Variants in RHOT1 observed in about 807,000 individuals in gnomAD.
RHOT1 encodes ras homolog family member T1.
In RHOT1, 27 loss-of-function variants were observed where a neutral mutation model predicts 95.3. That is an observed-to-expected ratio of 0.28 (90% confidence interval 0.21 to 0.39). RHOT1 has a LOEUF of 0.39. Ranked by LOEUF, RHOT1 falls within the 10% of genes least tolerant of loss-of-function variation. The probability of loss-of-function intolerance (pLI) is 1.00; values close to 1 mark genes in which losing one functional copy is unlikely to be tolerated. For missense variants in RHOT1, 578 were observed against 786.7 expected, an observed-to-expected ratio of 0.73 and a Z score of 3.17; for synonymous variants, 227 against 263.5, an observed-to-expected ratio of 0.86 and a Z score of 1.34.
intron 19 of RHOT1, among the ~76,000 whole-genome samples, chr17:32,224,056 A>T (rs2038994614): frequency 6.6e-6 from 1 of 152,352 alleles, no homozygotes; most frequent in East Asian, 1.9e-4. Context: ...AATTAATGCA[A>T]ACTGATAAAT....
intron 1 of RHOT1, among the ~76,000 whole-genome samples, chr17:32,148,585 C>T (rs750738241): frequency 1.3e-5 from 2 of 152,116 alleles, no homozygotes; most frequent in African/African-American, 2.4e-5. Flanking sequence ...ATGAAATTGT[C>T]CTTTGGAACA....
At chr17:32,211,565 T>C (rs2038137236) in intron 19 of RHOT1, 1 of 176,324 alleles carries the variant, frequency 5.7e-6, no homozygotes, top group Admixed American at 5.9e-5. Context: ...ATTAGGACTT[T>C]TGTAGTAAAG....
chr17:32,145,728 T>G (rs957100375), intron 1 of RHOT1, among the ~76,000 whole-genome samples: 2 of 152,186 alleles, frequency 1.3e-5, no homozygotes, highest in African/African-American at 4.8e-5. Flanking sequence ...AAAAATCATC[T>G]AATGAGCCAG....
In RHOT1 at chr17:32,204,982, C is replaced by CAA. The variant is rs34989749; in HGVS notation, c.1416+1022_1416+1023dup. Among the ~76,000 whole-genome samples, 437 of 118,666 alleles carry CAA rather than the reference C, an allele frequency of 3.7e-3. 4 individuals carry two copies. Among genetic ancestry groups the CAA allele is most frequent in the African/African-American group, 0.013 (423 of 32,582 alleles). 77.8% of individuals were successfully genotyped at this position (118,666 alleles called of 152,430 possible). Reference sequence around the variant, plus strand: ...TGGGCAACAAAGTGAGACTCCGTCTCAAAAAAAAAAAAAAGTCGAAAAAAC... The same window carrying CAA: ...TGGGCAACAAAGTGAGACTCCGTCTCAAAAAAAAAAAAAAAAGTCGAAAAAAC... On this transcript the variant is annotated intron_variant, in intron 16 of 19. Coordinates refer to ENST00000545287, the MANE Select transcript of RHOT1 (RefSeq NM_001033566.3).
At chr17:32,173,270 G>A (rs1356730323) in intron 2 of RHOT1, among the ~76,000 whole-genome samples, 1 of 152,152 alleles carries the variant, frequency 6.6e-6, no homozygotes, top group African/African-American at 2.4e-5. Context: ...GACCAGAAGT[G>A]TTTCAGATTT....
intron 17 of RHOT1, chr17:32,207,642 A>C (rs1005982043): frequency 6.5e-6 from 1 of 153,388 alleles, no homozygotes; most frequent in African/African-American, 2.4e-5. Context: ...AATTAAAAAT[A>C]GTTTTGAATT....
intron 1 of RHOT1, among the ~76,000 whole-genome samples, chr17:32,155,668 G>A (rs1320819149): frequency 2.0e-5 from 3 of 151,230 alleles, no homozygotes; most frequent in Non-Finnish European, 2.9e-5. Flanking sequence ...TTAGCCTCCC[G>A]ATTACCTGAG....
intron 1 of RHOT1, among the ~76,000 whole-genome samples, chr17:32,154,827 G>A (rs913634865): frequency 6.6e-6 from 1 of 151,882 alleles, no homozygotes; most frequent in African/African-American, 2.4e-5. Context: ...CCCAGGAGGC[G>A]GAGGTTGCAG....
At position 32,185,849 on chromosome 17, in the gene RHOT1, T is replaced by C. The variant is rs972639756; in HGVS notation, c.540+2577T>C. 2.0e-5 allele frequency among the ~76,000 whole-genome samples: 3 copies of C among 151,594 alleles called. No homozygotes were observed. The South Asian group carries it at 6.2e-4, about 31-fold the overall frequency. On this transcript the variant is annotated intron_variant, in intron 8 of 19. Coordinates refer to ENST00000545287, the MANE Select transcript of RHOT1 (RefSeq NM_001033566.3). ...CATCCTCCCACCTCAGCCTCCTGAG[T>C]AGTTGGGACTACAGGCACATGCCAC...
intron 3 of RHOT1, among the ~76,000 whole-genome samples, chr17:32,174,835 A>G (rs184206411): frequency 6.6e-6 from 1 of 152,340 alleles, no homozygotes; most frequent in East Asian, 1.9e-4. Flanking sequence ...CTAAAGATAC[A>G]TGCTAGAGAG....
chr17:32,203,825 G>A lies in RHOT1; in HGVS notation c.1333-65G>A, dbSNP rs57156991. 1.8e-3 allele frequency: 1,947 copies of A among 1,104,960 alleles called. 22 individuals are homozygous for A. In the African/African-American group the frequency reaches 0.026, roughly 15 times the overall value. 68.4% of individuals were successfully genotyped at this position (1,104,960 alleles called of 1,614,324 possible). A position where few individuals can be genotyped will look rare whatever the true frequency, so the allele number is the denominator to read the frequency against. ...TATAACACACCTGCACATATACACA[G>A]AGATGTTTGTATATTGTTGAAAACT... On this transcript the variant is annotated intron_variant, in intron 15 of 19. Coordinates refer to ENST00000545287, the MANE Select transcript of RHOT1 (RefSeq NM_001033566.3).
chr17:32,152,027 C>T (rs2142379843), intron 1 of RHOT1, among the ~76,000 whole-genome samples: 1 of 151,992 alleles, frequency 6.6e-6, no homozygotes, highest in African/African-American at 2.4e-5. Flanking sequence ...GCTAAATTAC[C>T]TCAAATTCTT....
chr17:32,160,992 A>G (rs9916160), intron 1 of RHOT1, among the ~76,000 whole-genome samples: 27,828 of 152,060 alleles, frequency 0.18, 2,644 homozygotes, highest in South Asian at 0.26. Flanking sequence ...CACTGACACC[A>G]CCCAGAGTTA....
rs757525286 is a variant in RHOT1, at chr17:32,183,261, G to C, written c.529G>C (p.Glu177Gln). ...LHPTGPLYCP[E>Q]EKEMKPACIK... ...TCCTACAGGGCCCCTGTACTGCCCA[G>C]AGGAGAAGGAGGTAACAGGCTGTGT... The change falls in exon 8 of 20, where the codon GAG (glutamate) becomes CAG (glutamine). Residue 177 changes from glutamate to glutamine, a missense_variant. Around this residue, in one of 4 missense-constraint regions of RHOT1, gnomAD observed 227 missense variants for 316.0 expected, o/e 0.72. Transcript: ENST00000545287. 1 of 1,459,992 alleles carries C rather than the reference G, an allele frequency of 6.8e-7. No individual in the cohort carries two copies. The allele number at this position is 1,459,992 out of a possible 1,614,324, so 90.4% of individuals were successfully genotyped here.
At chr17:32,180,405 A>G (rs1938937209) in intron 6 of RHOT1, among the ~76,000 whole-genome samples, 2 of 152,140 alleles carry the variant, frequency 1.3e-5, no homozygotes, top group African/African-American at 2.4e-5. Context: ...TCAGGGTTAA[A>G]TGGATTAAGG....
rs1200786642 is a variant in RHOT1, at chr17:32,199,442, A to G, written c.992A>G (p.Asp331Gly). The change falls in exon 13 of 20, where the codon GAT (aspartate) becomes GGT (glycine). Residue 331 changes from aspartate to glycine, a missense_variant. Asp to Gly is a moderately conservative substitution (Grantham distance 94, BLOSUM62 -1). Coordinates refer to ENST00000545287, the MANE Select transcript of RHOT1 (RefSeq NM_001033566.3). ...DCALSPDELK[D>G]LFKVFPYIPW... ...GCTTTGTCACCTGATGAGCTTAAAG[A>G]TTTATTTAAAGTTTTCCCTTACATA... The G allele has an allele frequency of 6.2e-7, 1 of 1,613,338 alleles. No homozygotes were observed. Among genetic ancestry groups the G allele is most frequent in the Admixed American group, 1.7e-5 (1 of 59,770 alleles).
chr17:32,169,677 C>T (rs1299546041), intron 1 of RHOT1, among the ~76,000 whole-genome samples: 1 of 152,148 alleles, frequency 6.6e-6, no homozygotes, highest in Non-Finnish European at 1.5e-5. Flanking sequence ...GGAATTTATT[C>T]TGTAGAAATA....
chr17:32,176,965 G>A (rs2035058135), intron 6 of RHOT1, among the ~76,000 whole-genome samples: 1 of 152,152 alleles, frequency 6.6e-6, no homozygotes, highest in Non-Finnish European at 1.5e-5. Context: ...TTAGTTGGAA[G>A]TTTTTGTGCC....
chr17:32,168,929 T>C (rs2034339808), intron 1 of RHOT1, among the ~76,000 whole-genome samples: 1 of 152,206 alleles, frequency 6.6e-6, no homozygotes, highest in South Asian at 2.1e-4. Flanking sequence ...AGTTCTGTGA[T>C]GATGGATTCA....
Sources: allele counts gnomAD v4.1 joint callset (sites outside exome capture counted in the v4.1 genomes callset), GRCh38; gene constraint gnomAD v4.1.1; regional missense constraint gnomAD v4.1.1; transcripts MANE v1.5; gene names NCBI Gene and HGNC (gene_info 2026-07-23, HGNC 2026-07-21).